The following SMPD3 variants were observed in gnomAD, a reference collection of about 807,000 sequenced individuals.
SMPD3 encodes the protein sphingomyelin phosphodiesterase 3.
A neutral mutation model predicts 55.7 loss-of-function variants in SMPD3; 21 were observed. The observed-to-expected ratio is 0.38, with a 90% CI of 0.27 to 0.54. SMPD3 has a LOEUF of 0.54. Among genes scored for constraint, SMPD3 ranks in the 20% least tolerant of loss-of-function variants. The pLI, the probability that SMPD3 is intolerant of heterozygous loss-of-function variation, is 0.80. For missense variants in SMPD3, 842 were observed against 899.6 expected (o/e 0.94, Z 0.82); for synonymous variants, 457 against 404.3 (o/e 1.13, Z -1.56).
chr16:68,415,190 T>G (rs1023515302), intron 1 of SMPD3, among the ~76,000 whole-genome samples: 8 of 151,694 alleles, frequency 5.3e-5, no homozygotes, highest in African/African-American at 1.9e-4. Context: ...GTGGATAAAA[T>G]CCCATGGGGA....
chr16:68,363,421 G>A, intron 7 of SMPD3, 75 bp downstream of exon 7: 3 of 1,540,484 alleles, frequency 1.9e-6, no homozygotes, highest in Middle Eastern at 1.8e-4. Context: ...GCTCTCCCAT[G>A]TGGGTCCTGC....
intron 2 of SMPD3, chr16:68,382,240 A>G (rs2089965478): frequency 6.6e-6 from 1 of 152,292 alleles, no homozygotes; most frequent in Non-Finnish European, 1.5e-5. Context: ...ACAGGGTCCA[A>G]GTGAGCCCTG....
intron 1 of SMPD3, among the ~76,000 whole-genome samples, chr16:68,401,912 C>G (rs1423970777): frequency 1.3e-5 from 2 of 151,992 alleles, no homozygotes; most frequent in Non-Finnish European, 2.9e-5. Context: ...GACTGCCAGC[C>G]CAGATGACCA....
At chr16:68,412,540 G>A (rs935578898) in intron 1 of SMPD3, among the ~76,000 whole-genome samples, 4 of 152,344 alleles carry the variant, frequency 2.6e-5, no homozygotes, top group South Asian at 2.1e-4. Context: ...CTGCTCACCT[G>A]TAGGCAGAGG....
At chr16:68,384,217 T>C (rs995695440) in intron 2 of SMPD3, among the ~76,000 whole-genome samples, 4 of 152,220 alleles carry the variant, frequency 2.6e-5, no homozygotes, top group African/African-American at 4.8e-5. Flanking sequence ...CACACTTCTG[T>C]TGGGGCTGTT....
At chr16:68,379,007 C>T (rs538759314) in intron 2 of SMPD3, among the ~76,000 whole-genome samples, 2 of 152,358 alleles carry the variant, frequency 1.3e-5, no homozygotes, top group African/African-American at 4.8e-5. Context: ...TCAGCAGTTC[C>T]CCTTTTCCTT....
chr16:68,374,392 G>A (rs2089755159), intron 2 of SMPD3, among the ~76,000 whole-genome samples: 1 of 152,246 alleles, frequency 6.6e-6, no homozygotes, highest in South Asian at 2.1e-4. Flanking sequence ...CAGGGGAAAT[G>A]CCTTTGAAGC....
chr16:68,413,357 A>T (rs1203855996), intron 1 of SMPD3, among the ~76,000 whole-genome samples: 1 of 152,188 alleles, frequency 6.6e-6, no homozygotes, highest in East Asian at 1.9e-4. Context: ...CAGCTGGAAG[A>T]TAGCTGCAAG....
intron 2 of SMPD3, 76 bp from the exon 3 acceptor site, chr16:68,372,463 G>A: frequency 2.0e-6 from 1 of 498,228 alleles, no homozygotes; most frequent in Non-Finnish European, 3.7e-6. Context: ...CTTTGCCCCA[G>A]CTCATCCCAC....
At chr16:68,382,730 C>A (rs796526655) in intron 2 of SMPD3, among the ~76,000 whole-genome samples, 7 of 152,308 alleles carry the variant, frequency 4.6e-5, no homozygotes, top group African/African-American at 1.7e-4. Flanking sequence ...TCACTGACTG[C>A]AGACAAGGAG....
At chr16:68,407,741 T>C (rs1238911674) in intron 1 of SMPD3, among the ~76,000 whole-genome samples, 1 of 152,232 alleles carries the variant, frequency 6.6e-6, no homozygotes, top group Non-Finnish European at 1.5e-5. Flanking sequence ...TGATCTTAAA[T>C]GCTTCTTATG....
chr16:68,439,896 G>T (rs1362286244), intron 1 of SMPD3, among the ~76,000 whole-genome samples: 1 of 152,170 alleles, frequency 6.6e-6, no homozygotes. Flanking sequence ...AAAGCTACTT[G>T]TAAAGTGCTG....
chr16:68,438,173 C>G (rs1398090075), intron 1 of SMPD3, among the ~76,000 whole-genome samples: 1 of 152,142 alleles, frequency 6.6e-6, no homozygotes, highest in Non-Finnish European at 1.5e-5. Context: ...CAGAGAAAGC[C>G]TCTCCTAAGC....
chr16:68,407,842 T>C (rs566750187), intron 1 of SMPD3, among the ~76,000 whole-genome samples: 13 of 152,258 alleles, frequency 8.5e-5, no homozygotes, highest in African/African-American at 2.9e-4. Flanking sequence ...TGCCTACTTA[T>C]AAAAAACAGT....
chr16:68,390,778 A>G (rs1278805107), intron 1 of SMPD3, among the ~76,000 whole-genome samples: 1 of 152,194 alleles, frequency 6.6e-6, no homozygotes, highest in Non-Finnish European at 1.5e-5. Context: ...AACACCTCTG[A>G]CAACACCACC....
intron 2 of SMPD3, among the ~76,000 whole-genome samples, chr16:68,376,440 A>G (rs1311994565): frequency 6.6e-6 from 1 of 152,236 alleles, no homozygotes; most frequent in Non-Finnish European, 1.5e-5. Flanking sequence ...TGCCAAGTAG[A>G]GTCCACTGTG....
rs200437842 is a variant in SMPD3, at chr16:68,371,346, G to C, written c.836C>G (p.Thr279Arg). 4 of 1,584,120 alleles carry C rather than the reference G, an allele frequency of 2.5e-6. No homozygotes were observed. The African/African-American group carries it at 5.4e-5, about 21-fold the overall frequency. The change falls in exon 3 of 9, where the codon ACG becomes AGG. Residue 279 changes from threonine (T) to arginine (R), a missense_variant. By Grantham distance (71) the Thr-to-Arg change is moderately conservative. Around this residue, in one of 2 missense-constraint regions of SMPD3, gnomAD observed 649 missense variants for 643.6 expected, o/e 1.01. Transcript: ENST00000219334. ...NGAGGGPRGQ[T>R]PNHNQQDGDS... ...CCCGTCCTGCTGATTATGGTTGGGC[G>C]TCTGGCCCCTTGGGCCCCCGCCAGC...
chr16:68,370,047 C>G (rs928952317), intron 3 of SMPD3: 1 of 152,264 alleles, frequency 6.6e-6, no homozygotes, highest in Non-Finnish European at 1.5e-5. Flanking sequence ...TGTGCTGCAT[C>G]CACTGGCCAA....
At chr16:68,397,354 C>A (rs926884558) in intron 1 of SMPD3, among the ~76,000 whole-genome samples, 1 of 152,174 alleles carries the variant, frequency 6.6e-6, no homozygotes, top group African/African-American at 2.4e-5. Context: ...AACTGTTGTC[C>A]TGGATATCTG....
Sources: gnomAD v4.1 joint callset for allele counts (sites outside exome capture counted in the v4.1 genomes callset) on GRCh38, gnomAD v4.1.1 for gene constraint, gnomAD v4.1.1 regional missense constraint, MANE v1.5 for transcripts, NCBI Gene and HGNC (gene_info 2026-07-23, HGNC 2026-07-21) for gene names.